The following MYO5B variants were observed in gnomAD, a reference collection of about 807,000 sequenced individuals.
MYO5B encodes the protein unconventional myosin-Vb.
A neutral mutation model predicts 229.3 loss-of-function variants in MYO5B; 143 were observed. The ratio of observed to expected loss-of-function variants is 0.62; its 90% CI spans 0.54 to 0.72. The LOEUF is 0.72. Among genes scored for constraint, MYO5B ranks in the 30% least tolerant of loss-of-function variants. The pLI is 0.00. For missense variants in MYO5B, 2,321 were observed against 2,331.0 expected (o/e 1.00, Z 0.09); for synonymous variants, 918 against 885.2 (o/e 1.04, Z -0.66).
At chr18:50,113,797 T>C (rs2031910316) in intron 1 of MYO5B, among the ~76,000 whole-genome samples, 2 of 152,232 alleles carry the variant, frequency 1.3e-5, no homozygotes. Flanking sequence ...CAGGAGTGAC[T>C]CAGGCTGCTG....
In MYO5B at chr18:49,829,292, C is replaced by T. The variant is rs564509331; in HGVS notation, c.5395-2669G>A. Among the ~76,000 whole-genome samples the T allele has an allele frequency of 2.6e-5, 4 of 151,480 alleles. No homozygotes were observed. The East Asian group carries it at 5.8e-4, about 22-fold the overall frequency. ...AGTGAGGACATTACTGCCAATTTTA[C>T]AGAAATAAAAAGGATTATAAGAGAA... is the stretch of plus-strand genomic sequence containing the variant. On this transcript the variant is annotated intron_variant, in intron 39 of 39. Transcript: ENST00000285039.
chr18:50,190,379 C>G (rs1266911689), intron 1 of MYO5B, among the ~76,000 whole-genome samples: 7 of 152,366 alleles, frequency 4.6e-5, no homozygotes, highest in African/African-American at 1.7e-4. Flanking sequence ...AGCACTCACA[C>G]TGACCACATG....
intron 1 of MYO5B, among the ~76,000 whole-genome samples, chr18:50,180,109 C>T (rs949050760): frequency 3.3e-5 from 5 of 152,216 alleles, no homozygotes; most frequent in Admixed American, 2.0e-4. Context: ...GTTGTAACCT[C>T]GAGGTTCCCC....
At chr18:49,893,938 C>T (rs1019890968) in intron 22 of MYO5B, among the ~76,000 whole-genome samples, 1 of 152,246 alleles carries the variant, frequency 6.6e-6, no homozygotes, top group Non-Finnish European at 1.5e-5. Flanking sequence ...CAAACACAAT[C>T]TCATGGTGGC....
At chr18:49,845,764 G>A (rs905467603) in intron 33 of MYO5B, among the ~76,000 whole-genome samples, 2 of 152,186 alleles carry the variant, frequency 1.3e-5, no homozygotes, top group African/African-American at 4.8e-5. Context: ...GACTGGGTTG[G>A]TACAGAGCAG....
At chr18:50,054,856 G>A (rs144053492) in intron 2 of MYO5B, among the ~76,000 whole-genome samples, 1 of 152,262 alleles carries the variant, frequency 6.6e-6, no homozygotes, top group African/African-American at 2.4e-5. Flanking sequence ...ATTGTGAACT[G>A]ATATAAGGTC....
chr18:49,991,718 A>G (rs934074970), intron 6 of MYO5B, among the ~76,000 whole-genome samples: 10 of 152,142 alleles, frequency 6.6e-5, no homozygotes, highest in African/African-American at 2.4e-4. Flanking sequence ...AGAAATACCT[A>G]ATGTAGATGA....
At chr18:49,892,815 TCTC>T (rs1489009110) in intron 22 of MYO5B, among the ~76,000 whole-genome samples, 2 of 152,212 alleles carry the variant, frequency 1.3e-5, no homozygotes, top group African/African-American at 4.8e-5. Context: ...TCATGAGTCA[TCTC>T]CTGTTGGTTT....
chr18:49,868,800 G>A (rs542188250), intron 27 of MYO5B, among the ~76,000 whole-genome samples: 49 of 152,342 alleles, frequency 3.2e-4, no homozygotes, highest in Non-Finnish European at 6.2e-4. Context: ...CTCTGCAGGA[G>A]TGACTGGCCC....
chr18:50,097,758 C>T (rs1047567986), intron 1 of MYO5B: 5 of 153,002 alleles, frequency 3.3e-5, no homozygotes, highest in South Asian at 2.1e-4. Context: ...CCAAGCCTCT[C>T]GGGGCCTACA....
intron 1 of MYO5B, among the ~76,000 whole-genome samples, chr18:50,112,868 T>C (rs1023510869): frequency 6.6e-6 from 1 of 152,100 alleles, no homozygotes; most frequent in Non-Finnish European, 1.5e-5. Flanking sequence ...CAACGTATTT[T>C]AAAAAAAATT....
At chr18:49,915,912 T>C (rs1375393929) in intron 17 of MYO5B, among the ~76,000 whole-genome samples, 3 of 152,174 alleles carry the variant, frequency 2.0e-5, no homozygotes, top group African/African-American at 4.8e-5. Context: ...TGGGGTAAGA[T>C]GGATTTGGGT....
At position 49,869,172 on chromosome 18, in the gene MYO5B, C is replaced by T. The variant is rs9965280; in HGVS notation, c.3603+2995G>A. On this transcript the variant is annotated intron_variant, in intron 27 of 39. Coordinates refer to ENST00000285039, the MANE Select transcript of MYO5B (RefSeq NM_001080467.3). The stretch of plus-strand genomic sequence containing the variant: ...TGGAGGGCACAGTACACTTCCCATC[C>T]CTTTGCACACTTCAGAGCATTCAGG... Among the ~76,000 whole-genome samples, 1,195 of 152,292 alleles carry T rather than the reference C, an allele frequency of 7.8e-3. 12 individuals are homozygous for T. The highest frequency in any genetic ancestry group is 0.027 in the African/African-American group (1,107 of 41,548).
At chr18:49,908,030 G>A (rs562470864) in intron 18 of MYO5B, among the ~76,000 whole-genome samples, 8 of 152,332 alleles carry the variant, frequency 5.3e-5, no homozygotes, top group South Asian at 4.1e-4. Context: ...GCCAAAGCAC[G>A]GTAGCTAAGC....
chr18:50,013,672 T>A (rs2026185791), intron 4 of MYO5B, among the ~76,000 whole-genome samples: 1 of 152,194 alleles, frequency 6.6e-6, no homozygotes, highest in East Asian at 1.9e-4. Flanking sequence ...TGCAATAAAA[T>A]AGTAGACTTA....
At chr18:49,834,755 C>T (rs1368273794) in intron 39 of MYO5B, among the ~76,000 whole-genome samples, 1 of 152,154 alleles carries the variant, frequency 6.6e-6, no homozygotes, top group Admixed American at 6.5e-5. Flanking sequence ...TCTCCTGCCT[C>T]AGCCTCCCGA....
intron 4 of MYO5B, among the ~76,000 whole-genome samples, chr18:50,009,821 C>G (rs1297773066): frequency 6.6e-6 from 1 of 152,192 alleles, no homozygotes; most frequent in Non-Finnish European, 1.5e-5. Context: ...TCCAACAAGA[C>G]AGCCAGGCCT....
intron 1 of MYO5B, among the ~76,000 whole-genome samples, chr18:50,172,311 C>T (rs56391056): frequency 0.039 from 5,676 of 146,904 alleles, 146 homozygotes; most frequent in Non-Finnish European, 0.054. Flanking sequence ...AAAAAAAGGC[C>T]GAACTGTGCT....
At chr18:49,878,025 A>C in intron 24 of MYO5B, 143 bp from the exon 25 acceptor site, 1 of 1,031,236 alleles carries the variant, frequency 9.7e-7, no homozygotes, top group Non-Finnish European at 1.5e-6. Context: ...ATGATGGCTA[A>C]ATAAAGCTAG....
Sources: gnomAD v4.1 joint callset for allele counts (sites outside exome capture counted in the v4.1 genomes callset) on GRCh38, gnomAD v4.1.1 for gene constraint, MANE v1.5 for transcripts, NCBI Gene and HGNC (gene_info 2026-07-23, HGNC 2026-07-21) for gene names.